Variants in SLC14A2 observed in about 807,000 individuals in gnomAD.
SLC14A2 encodes solute carrier family 14 member 2, also known as urea transporter 2.
In SLC14A2, 91 loss-of-function variants were observed where a neutral mutation model predicts 104.6. The ratio of observed to expected loss-of-function variants is 0.87; its 90% CI spans 0.73 to 1.04. The LOEUF (loss-of-function observed/expected upper bound fraction) is 1.04, where lower values mean the gene tolerates loss of function less well. Among genes scored for constraint, SLC14A2 ranks in the 50% least tolerant of loss-of-function variants. The pLI, the probability that SLC14A2 is intolerant of heterozygous loss-of-function variation, is 0.00. For synonymous variants in SLC14A2, 476 were observed against 466.4 expected (o/e 1.02, Z -0.27); for missense variants, 1,189 against 1,156.0 (o/e 1.03, Z -0.41).
intron 1 of SLC14A2, among the ~76,000 whole-genome samples, chr18:45,475,157 G>A (rs1598879455): frequency 6.6e-6 from 1 of 152,140 alleles, no homozygotes; most frequent in Non-Finnish European, 1.5e-5. Flanking sequence ...TTCAGGAGCA[G>A]GTTGTTCAGT....
chr18:45,350,613 G>A (rs578054889), intron 1 of SLC14A2, among the ~76,000 whole-genome samples: 1 of 152,176 alleles, frequency 6.6e-6, no homozygotes, highest in Non-Finnish European at 1.5e-5. Flanking sequence ...AATTGATGTG[G>A]CTTCTCGGGA....
chr18:45,304,401 G>A (rs533874949), intron 1 of SLC14A2, among the ~76,000 whole-genome samples: 2 of 152,130 alleles, frequency 1.3e-5, no homozygotes, highest in African/African-American at 4.8e-5. Flanking sequence ...TTTGTGCTGT[G>A]GCCAGCAATG....
rs529746225 is a variant in SLC14A2, at chr18:45,677,119, C to T, written c.2513-1856C>T. The stretch of plus-strand genomic sequence containing the variant: ...CAGGCCGCATGTCTCATTTCGTCTT[C>T]TTTCTTCTATCCTTCCTCCTCTCTC... On this transcript the variant is annotated intron_variant, in intron 18 of 19. Coordinates refer to ENST00000255226, the MANE Select transcript of SLC14A2 (RefSeq NM_007163.4). Among the ~76,000 whole-genome samples, 4 of 152,360 alleles carry T rather than the reference C, an allele frequency of 2.6e-5. No homozygotes were observed. The East Asian group carries it at 5.8e-4, about 22-fold the overall frequency.
At chr18:45,336,760 T>C (rs1194176311) in intron 1 of SLC14A2, among the ~76,000 whole-genome samples, 1 of 152,170 alleles carries the variant, frequency 6.6e-6, no homozygotes, top group Non-Finnish European at 1.5e-5. Context: ...GTTTCATCCA[T>C]CACCAAAACT....
intron 1 of SLC14A2, among the ~76,000 whole-genome samples, chr18:45,234,914 C>T (rs769463154): frequency 2.0e-5 from 3 of 152,110 alleles, no homozygotes; most frequent in Admixed American, 6.5e-5. Flanking sequence ...CCCAGTGAGA[C>T]AGATGAAGCA....
chr18:45,370,044 A>G (rs749513844), intron 1 of SLC14A2, among the ~76,000 whole-genome samples: 1 of 152,194 alleles, frequency 6.6e-6, no homozygotes, highest in Non-Finnish European at 1.5e-5. Flanking sequence ...ATCTTCTCTA[A>G]CCAACACTGA....
chr18:45,293,276 A>G (rs889383874), intron 1 of SLC14A2, among the ~76,000 whole-genome samples: 1 of 152,160 alleles, frequency 6.6e-6, no homozygotes. Flanking sequence ...TCATTCATTC[A>G]TTCATTCATG....
chr18:45,533,137 A>G (rs575998329), intron 2 of SLC14A2, among the ~76,000 whole-genome samples: 1 of 152,326 alleles, frequency 6.6e-6, no homozygotes, highest in African/African-American at 2.4e-5. Context: ...AATGTTTATC[A>G]AGGATATTGG....
At chr18:45,602,321 T>C (rs2044802788) in intron 2 of SLC14A2, among the ~76,000 whole-genome samples, 1 of 152,198 alleles carries the variant, frequency 6.6e-6, no homozygotes, top group African/African-American at 2.4e-5. Context: ...TCATTCCTTA[T>C]GGAGATTGGA....
chr18:45,204,151 G>C, the SLC14A2 span, among the ~76,000 whole-genome samples: 2 of 152,142 alleles, frequency 1.3e-5, no homozygotes, highest in African/African-American at 2.4e-5. Flanking sequence ...CATTATTCCA[G>C]AGTGGTAATA....
At chr18:45,283,008 A>C (rs2084778503) in intron 1 of SLC14A2, among the ~76,000 whole-genome samples, 1 of 152,218 alleles carries the variant, frequency 6.6e-6, no homozygotes, top group African/African-American at 2.4e-5. Flanking sequence ...GGCCCGGTTA[A>C]AGACACATGA....
At position 45,667,921 on chromosome 18, in the gene SLC14A2, C is replaced by T. The variant is rs1206256608; in HGVS notation, c.1806C>T (p.Leu602=). The change falls in exon 14 of 20, where the codon CTC becomes CTT. Residue 602 remains leucine, a synonymous_variant. Transcript: ENST00000255226. The part of the protein sequence containing the change: ...MFVNNPLSGI[L]IILGLFIQNP... ...TGAACAACCCCCTCAGCGGCATCCT[C>T]ATCATCCTCGGCCTCTTCATCCAGA... 2.5e-6 allele frequency: 4 copies of T among 1,614,018 alleles called. No individual in the cohort carries two copies. Among genetic ancestry groups the T allele is most frequent in the African/African-American group, 2.7e-5 (2 of 74,928 alleles).
chr18:45,537,786 A>G (rs781281596), intron 2 of SLC14A2, among the ~76,000 whole-genome samples: 8 of 152,166 alleles, frequency 5.3e-5, no homozygotes, highest in Non-Finnish European at 1.2e-4. Context: ...GTTGCCCCTA[A>G]CTGCAATGGG....
At chr18:45,513,055 A>T (rs1005750155) in intron 2 of SLC14A2, among the ~76,000 whole-genome samples, 4 of 152,150 alleles carry the variant, frequency 2.6e-5, no homozygotes, top group African/African-American at 9.7e-5. Flanking sequence ...AACAATGGCT[A>T]CCCTATTCTG....
At chr18:45,281,519 T>C (rs1016693390) in intron 1 of SLC14A2, among the ~76,000 whole-genome samples, 1 of 152,202 alleles carries the variant, frequency 6.6e-6, no homozygotes, top group Non-Finnish European at 1.5e-5. Flanking sequence ...GTTTAGATAT[T>C]TTTTGTTTGT....
intron 1 of SLC14A2, among the ~76,000 whole-genome samples, chr18:45,296,857 A>G (rs901286465): frequency 9.9e-5 from 15 of 151,278 alleles, no homozygotes; most frequent in African/African-American, 3.7e-4. Flanking sequence ...GCTGGCTGAG[A>G]TATTTTTCTC....
At chr18:45,211,886 G>T (rs2083964761), upstream of SLC14A2, among the ~76,000 whole-genome samples, 2 of 152,144 alleles carry the variant, frequency 1.3e-5, no homozygotes, top group Admixed American at 6.5e-5. Context: ...AATAGAAAAG[G>T]CTTTTCCTAC....
At chr18:45,481,561 A>T (rs1372057812) in intron 1 of SLC14A2, among the ~76,000 whole-genome samples, 2 of 152,230 alleles carry the variant, frequency 1.3e-5, no homozygotes, top group Non-Finnish European at 2.9e-5. Context: ...AAGGGTTGCA[A>T]TTTGGAAATG....
intron 2 of SLC14A2, among the ~76,000 whole-genome samples, chr18:45,488,287 AAGT>A (rs1217052985): frequency 6.6e-6 from 1 of 152,126 alleles, no homozygotes; most frequent in African/African-American, 2.4e-5. Context: ...AGCAGATTGT[AAGT>A]TCTGGGGACT....
Sources: gnomAD v4.1 joint callset for allele counts (sites outside exome capture counted in the v4.1 genomes callset) on GRCh38, gnomAD v4.1.1 for gene constraint, MANE v1.5 for transcripts, NCBI Gene and HGNC (gene_info 2026-07-23, HGNC 2026-07-21) for gene names.